DLC1: variants seen among roughly 807,000 people sequenced by gnomAD.
DLC1 encodes the protein rho GTPase-activating protein 7.
Under a neutral mutation model 140.3 loss-of-function variants are expected in DLC1, and 54 were observed. The observed-to-expected ratio is 0.38, with a 90% CI of 0.31 to 0.48. DLC1 has a LOEUF of 0.48. Ranked by LOEUF, DLC1 falls within the 20% of genes least tolerant of loss-of-function variation. DLC1 has a pLI of 0.96. For synonymous variants in DLC1, 986 were observed against 728.1 expected, an observed-to-expected ratio of 1.35 and a Z score of -5.70; for missense variants, 2,536 against 1,907.0, an observed-to-expected ratio of 1.33 and a Z score of -6.14.
At chr8:13,218,348 T>C (rs1025914935) in intron 5 of DLC1, among the ~76,000 whole-genome samples, 2 of 152,194 alleles carry the variant, frequency 1.3e-5, no homozygotes, top group Non-Finnish European at 2.9e-5. Context: ...GTCTTAGATA[T>C]GACACCAAAA....
At chr8:13,144,638 G>A (rs1314280825) in intron 5 of DLC1, among the ~76,000 whole-genome samples, 1 of 152,136 alleles carries the variant, frequency 6.6e-6, no homozygotes, top group Admixed American at 6.5e-5. Context: ...GGTGGTGGGT[G>A]CCTGTAGTCC....
At chr8:13,382,529 A>AAAAAAAAAAAAAGAAAG (rs557423876) in intron 4 of DLC1, among the ~76,000 whole-genome samples, 4 of 109,432 alleles carry the variant, frequency 3.7e-5, no homozygotes, top group Non-Finnish European at 3.6e-5. Flanking sequence ...AAAAAAAAAA[A>AAAAAAAAAAAAAGAAAG]AAAGAAAGAG....
intron 2 of DLC1, among the ~76,000 whole-genome samples, chr8:13,413,980 A>T (rs570865045): frequency 2.0e-5 from 3 of 152,176 alleles, no homozygotes; most frequent in African/African-American, 7.2e-5. Context: ...AAATTACTCC[A>T]ACAAGTACAT....
intron 2 of DLC1, among the ~76,000 whole-genome samples, chr8:13,454,217 A>G (rs1799287000): frequency 6.6e-6 from 1 of 152,136 alleles, no homozygotes; most frequent in South Asian, 2.1e-4. Flanking sequence ...AACTTATACA[A>G]GGTCATAGTT....
intron 17 of DLC1, 46 bp downstream of exon 17, chr8:13,086,244 T>C: frequency 1.3e-6 from 2 of 1,573,982 alleles, no homozygotes; most frequent in Non-Finnish European, 1.7e-6. Flanking sequence ...AGTCAGAATT[T>C]CCTTCATGAC....
intron 2 of DLC1, among the ~76,000 whole-genome samples, chr8:13,483,165 T>C (rs1457841018): frequency 6.6e-6 from 1 of 152,174 alleles, no homozygotes; most frequent in Non-Finnish European, 1.5e-5. Flanking sequence ...TCACATGGCC[T>C]TGTCTGTGTG....
At chr8:13,166,353 A>AT (rs751291662) in intron 5 of DLC1, among the ~76,000 whole-genome samples, 33 of 151,740 alleles carry the variant, frequency 2.2e-4, no homozygotes, top group African/African-American at 7.5e-4. Flanking sequence ...TTATTTATTT[A>AT]TTTTTTTAGA....
chr8:13,602,011 A>G (rs572187907), intron 1 of DLC1, among the ~76,000 whole-genome samples: 20 of 151,836 alleles, frequency 1.3e-4, no homozygotes, highest in African/African-American at 1.7e-4. Flanking sequence ...AAGGAAAACA[A>G]CTACATATTA....
chr8:13,575,292 A>G (rs1804799312), intron 1 of DLC1, among the ~76,000 whole-genome samples: 1 of 152,216 alleles, frequency 6.6e-6, no homozygotes, highest in Admixed American at 6.5e-5. Flanking sequence ...TAATGGTGCC[A>G]CATATGCACT....
At chr8:13,184,887 T>C (rs1563145750) in intron 5 of DLC1, among the ~76,000 whole-genome samples, 1 of 152,184 alleles carries the variant, frequency 6.6e-6, no homozygotes. Context: ...TGTTTAATAT[T>C]GACAGAGGGG....
intron 4 of DLC1, among the ~76,000 whole-genome samples, chr8:13,351,486 G>A (rs1263798229): frequency 6.6e-6 from 1 of 152,084 alleles, no homozygotes; most frequent in Non-Finnish European, 1.5e-5. Context: ...GATATATCTT[G>A]TGAACTACAT....
chr8:13,259,957 G>A (rs557218804), intron 5 of DLC1, among the ~76,000 whole-genome samples: 2 of 152,278 alleles, frequency 1.3e-5, no homozygotes, highest in Non-Finnish European at 2.9e-5. Flanking sequence ...ATCAGTAAAG[G>A]TTGAGATTGT....
intron 5 of DLC1, among the ~76,000 whole-genome samples, chr8:13,282,805 A>G (rs562472710): frequency 6.6e-6 from 1 of 152,180 alleles, no homozygotes; most frequent in Non-Finnish European, 1.5e-5. Flanking sequence ...TGCAATTCAT[A>G]CTAGCTGTTT....
intron 5 of DLC1, among the ~76,000 whole-genome samples, chr8:13,276,023 A>G (rs1174131203): frequency 6.6e-6 from 1 of 152,196 alleles, no homozygotes; most frequent in East Asian, 1.9e-4. Context: ...CCTTATCTAG[A>G]AATAATCAGA....
intron 5 of DLC1, among the ~76,000 whole-genome samples, chr8:13,148,427 C>T (rs907510519): frequency 3.3e-5 from 5 of 152,204 alleles, no homozygotes; most frequent in African/African-American, 4.8e-5. Flanking sequence ...ATAATAGCCT[C>T]CAGCTCCATC....
At chr8:13,229,657 G>GAGAGAGAGA (rs1828955788) in intron 5 of DLC1, among the ~76,000 whole-genome samples, 1 of 151,966 alleles carries the variant, frequency 6.6e-6, no homozygotes, top group Non-Finnish European at 1.5e-5. Context: ...GAGAAAGAGA[G>GAGAGAGAGA]AGAGAGAGAA....
chr8:13,596,753 C>G (rs1805692941), intron 1 of DLC1, among the ~76,000 whole-genome samples: 1 of 152,018 alleles, frequency 6.6e-6, no homozygotes, highest in Non-Finnish European at 1.5e-5. Flanking sequence ...AATGATCACA[C>G]ATAAGACTTC....
chr8:13,134,477 G>C (rs1026343911), intron 5 of DLC1, among the ~76,000 whole-genome samples: 1 of 152,188 alleles, frequency 6.6e-6, no homozygotes, highest in Non-Finnish European at 1.5e-5. Flanking sequence ...GAGTATGTCT[G>C]ATGGAGATAC....
chr8:13,399,274 A>T (rs1347756591), intron 3 of DLC1, among the ~76,000 whole-genome samples: 1 of 152,162 alleles, frequency 6.6e-6, no homozygotes, highest in Non-Finnish European at 1.5e-5. Context: ...TACTTATCTC[A>T]TTGTAAAGAA....
Sources: allele counts gnomAD v4.1 joint callset (sites outside exome capture counted in the v4.1 genomes callset), GRCh38; gene constraint gnomAD v4.1.1; transcripts MANE v1.5; gene names NCBI Gene and HGNC (gene_info 2026-07-23, HGNC 2026-07-21).